MGAT4A: variants seen among roughly 807,000 people sequenced by gnomAD.
MGAT4A encodes the protein N-acetylglucosaminyltransferase IVa.
In MGAT4A, 33 loss-of-function variants were observed where a neutral mutation model predicts 74.1. That is an observed-to-expected ratio of 0.45 (90% confidence interval 0.34 to 0.60). MGAT4A has a LOEUF of 0.60. MGAT4A is among the 20% of genes least tolerant of loss of function. The pLI is 0.02. For missense variants in MGAT4A, 479 were observed against 628.3 expected, an observed-to-expected ratio of 0.76 and a Z score of 2.54; for synonymous variants, 198 against 210.4, an observed-to-expected ratio of 0.94 and a Z score of 0.51.
intron 4 of MGAT4A, among the ~76,000 whole-genome samples, chr2:98,666,226 G>A (rs1177160055): frequency 2.0e-5 from 3 of 152,134 alleles, no homozygotes; most frequent in African/African-American, 7.2e-5. Context: ...GCAGACAAGA[G>A]AAGGGGAGGA....
intron 1 of MGAT4A, among the ~76,000 whole-genome samples, chr2:98,727,893 A>C (rs1702789077): frequency 6.6e-6 from 1 of 152,194 alleles, no homozygotes; most frequent in South Asian, 2.1e-4. Context: ...CCTATGAGGC[A>C]GGCATTATTA....
intron 2 of MGAT4A, among the ~76,000 whole-genome samples, chr2:98,711,263 A>AC (rs1034152550): frequency 1.4e-5 from 1 of 73,230 alleles, no homozygotes; most frequent in Non-Finnish European, 2.5e-5. Context: ...GTTAATTTGG[A>AC]AAAAAAAAAA....
chr2:98,678,315 T>C lies in MGAT4A; in HGVS notation c.251A>G (p.Asn84Ser), dbSNP rs749275884. ...AATACTGTTTGTACCTGAAAACTTATTCAACGCATCCTTACTTCCATTTGT... is the reference window on the plus strand; with the variant it reads ...AATACTGTTTGTACCTGAAAACTTACTCAACGCATCCTTACTTCCATTTGT... ...AETNGSKDAL[N>S]KFSDNTLKLL... is the part of the protein sequence containing the mutation. The change falls in exon 3 of 16, where the codon AAT (asparagine) becomes AGT (serine). Residue 84 changes from asparagine to serine, a missense_variant. Asn to Ser is a conservative substitution (Grantham distance 46). This residue lies in a region of MGAT4A where 205 missense variants were observed against 232.7 expected (regional missense o/e 0.88). Coordinates refer to ENST00000393487, the MANE Select transcript of MGAT4A (RefSeq NM_012214.3). The C allele has an allele frequency of 4.3e-6, 6 of 1,392,936 alleles. No individual in the cohort carries two copies. In the African/African-American group the frequency reaches 7.3e-5, roughly 17 times the overall value. 86.3% of individuals were successfully genotyped at this position (1,392,936 alleles called of 1,614,324 possible).
intron 2 of MGAT4A, among the ~76,000 whole-genome samples, chr2:98,724,221 A>C (rs12477450): frequency 0.3 from 46,121 of 151,990 alleles, 9,223 homozygotes; most frequent in African/African-American, 0.56. Context: ...ACAAAAAAAA[A>C]CCATTAGTTT....
At chr2:98,719,471 T>C (rs974443083) in intron 2 of MGAT4A, among the ~76,000 whole-genome samples, 7 of 152,174 alleles carry the variant, frequency 4.6e-5, no homozygotes, top group African/African-American at 1.7e-4. Flanking sequence ...GGGACCTTAG[T>C]ACCCCAGGTT....
At chr2:98,653,701 AC>A (rs927318001) in intron 8 of MGAT4A, among the ~76,000 whole-genome samples, 1 of 152,168 alleles carries the variant, frequency 6.6e-6, no homozygotes, top group African/African-American at 2.4e-5. Context: ...GCAAAGAAAA[AC>A]CCAGGACCAG....
intron 12 of MGAT4A, 66 bp from the exon 13 acceptor site, chr2:98,636,661 G>A: frequency 7.1e-7 from 1 of 1,399,936 alleles, no homozygotes; most frequent in East Asian, 2.3e-5. Flanking sequence ...TCAAGAAAAT[G>A]ACCTTACCTC....
chr2:98,713,639 T>C (rs1031914031), intron 2 of MGAT4A, among the ~76,000 whole-genome samples: 1 of 151,908 alleles, frequency 6.6e-6, no homozygotes, highest in Non-Finnish European at 1.5e-5. Flanking sequence ...AATCAGAAAA[T>C]AGTGAGACTG....
At chr2:98,628,930 T>C (rs760079011) in intron 14 of MGAT4A, among the ~76,000 whole-genome samples, 5 of 152,184 alleles carry the variant, frequency 3.3e-5, no homozygotes, top group Admixed American at 2.0e-4. Context: ...ATCTTTGCTG[T>C]TGGAGAGAAG....
At chr2:98,704,228 A>G (rs1446716751) in intron 2 of MGAT4A, among the ~76,000 whole-genome samples, 1 of 152,202 alleles carries the variant, frequency 6.6e-6, no homozygotes, top group East Asian at 1.9e-4. Context: ...TTCAGATCAA[A>G]AGCACTATGC....
At chr2:98,658,398 A>C in intron 5 of MGAT4A, 134 bp from the exon 6 acceptor site, 3 of 572,012 alleles carry the variant, frequency 5.2e-6, no homozygotes, top group Non-Finnish European at 9.1e-6. Flanking sequence ...CAATTTATTA[A>C]ATTTGCATTT....
Position 98,625,801 on chromosome 2 carries a change from C to T in MGAT4A, c.1503G>A (p.Val501=), listed in dbSNP as rs1701135847. 1 of 1,611,544 alleles carries T rather than the reference C, an allele frequency of 6.2e-7. No individual in the cohort carries two copies. Among genetic ancestry groups the T allele is most frequent in the Non-Finnish European group, 8.5e-7 (1 of 1,178,218 alleles). Residue 501 remains valine, a synonymous_variant, in exon 15 of 16, where the codon GTG becomes GTA. Coordinates refer to ENST00000393487, the MANE Select transcript of MGAT4A (RefSeq NM_012214.3). ...KFENGVAEGM[V]DPSLNPISAF... ...CTGAAATGGGATTGAGACTTGGATC[C>T]ACCATTCCTTCTGCAACACCATTCT...
intron 8 of MGAT4A, among the ~76,000 whole-genome samples, chr2:98,650,634 T>A (rs938733353): frequency 2.6e-5 from 4 of 152,092 alleles, no homozygotes; most frequent in Admixed American, 2.6e-4. Context: ...CCAAGAATAT[T>A]ATATCTGACA....
intron 14 of MGAT4A, among the ~76,000 whole-genome samples, chr2:98,628,907 C>T (rs1559153750): frequency 6.6e-6 from 1 of 152,180 alleles, no homozygotes; most frequent in Non-Finnish European, 1.5e-5. Flanking sequence ...ATCTCTCCTG[C>T]ACCTACTCAC....
chr2:98,666,286 A>G (rs1575258931), intron 4 of MGAT4A, among the ~76,000 whole-genome samples: 1 of 152,078 alleles, frequency 6.6e-6, no homozygotes, highest in South Asian at 2.1e-4. Flanking sequence ...ACTCAGAACA[A>G]CACACTTGAG....
At chr2:98,712,382 T>C (rs1702530414) in intron 2 of MGAT4A, among the ~76,000 whole-genome samples, 1 of 152,134 alleles carries the variant, frequency 6.6e-6, no homozygotes. Flanking sequence ...CTTGTCTGGG[T>C]CCTTCAGAGA....
intron 1 of MGAT4A, among the ~76,000 whole-genome samples, chr2:98,730,523 C>A (rs1003298280): frequency 6.6e-6 from 1 of 152,210 alleles, no homozygotes; most frequent in Non-Finnish European, 1.5e-5. Context: ...CCTGCCCCTG[C>A]GCCTCGGACC....
At chr2:98,671,331 G>A (rs1016055828) in intron 4 of MGAT4A, among the ~76,000 whole-genome samples, 6 of 152,118 alleles carry the variant, frequency 3.9e-5, no homozygotes, top group African/African-American at 1.4e-4. Flanking sequence ...TCTTCCCATT[G>A]CAGCAAATGT....
At chr2:98,729,029 C>T (rs1702805643) in intron 1 of MGAT4A, among the ~76,000 whole-genome samples, 2 of 152,068 alleles carry the variant, frequency 1.3e-5, no homozygotes, top group African/African-American at 4.8e-5. Flanking sequence ...GTAGAGCGCA[C>T]ATCATATAGT....
Sources: allele counts gnomAD v4.1 joint callset (sites outside exome capture counted in the v4.1 genomes callset), GRCh38; gene constraint gnomAD v4.1.1; regional missense constraint gnomAD v4.1.1; transcripts MANE v1.5; gene names NCBI Gene and HGNC (gene_info 2026-07-23, HGNC 2026-07-21).